The following SRD5A2 variants were observed in gnomAD, a reference collection of about 807,000 sequenced individuals.
SRD5A2 encodes the protein steroid 5 alpha-reductase 2, also known as 3-oxo-5-alpha-steroid 4-dehydrogenase 2.
SRD5A2 carries 30 observed loss-of-function variants against 27.4 expected under a neutral mutation model. The observed-to-expected ratio is 1.10, with a 90% CI of 0.82 to 1.49. The LOEUF (loss-of-function observed/expected upper bound fraction) is 1.49, where lower values mean the gene tolerates loss of function less well. Ranked by LOEUF, SRD5A2 falls within the 40% of genes most tolerant of loss-of-function variation. The probability of loss-of-function intolerance (pLI) is 0.00; values close to 1 mark genes in which losing one functional copy is unlikely to be tolerated. For missense variants in SRD5A2, 348 were observed against 323.4 expected, an observed-to-expected ratio of 1.08 and a Z score of -0.58; for synonymous variants, 141 against 133.6, an observed-to-expected ratio of 1.06 and a Z score of -0.38.
chr2:31,596,505 A>C, the SRD5A2 span, among the ~76,000 whole-genome samples: 2 of 152,066 alleles, frequency 1.3e-5, no homozygotes, highest in Admixed American at 6.6e-5. Context: ...ATCAAACAAG[A>C]GAAAGAAATA....
At chr2:31,637,196 A>C in the SRD5A2 span, among the ~76,000 whole-genome samples, 1 of 151,960 alleles carries the variant, frequency 6.6e-6, no homozygotes, top group Admixed American at 6.6e-5. Flanking sequence ...TTCTTCAATC[A>C]TGGTAAGTTG....
At chr2:31,624,666 G>A in the SRD5A2 span, among the ~76,000 whole-genome samples, 3 of 152,232 alleles carry the variant, frequency 2.0e-5, no homozygotes, top group African/African-American at 4.8e-5. Flanking sequence ...CCTCATCCAT[G>A]TCCCTACAAA....
the SRD5A2 span, among the ~76,000 whole-genome samples, chr2:31,592,271 A>G: frequency 6.6e-6 from 1 of 152,144 alleles, no homozygotes; most frequent in South Asian, 2.1e-4. Flanking sequence ...AACCCATAAC[A>G]GAACAAACCT....
chr2:31,632,531 C>T, the SRD5A2 span, among the ~76,000 whole-genome samples: 2 of 152,178 alleles, frequency 1.3e-5, no homozygotes, highest in South Asian at 4.1e-4. Flanking sequence ...AGTGCCAGCC[C>T]ATGCCATCAC....
intron 1 of SRD5A2, among the ~76,000 whole-genome samples, chr2:31,572,333 G>T (rs1281413953): frequency 6.6e-6 from 1 of 152,048 alleles, no homozygotes; most frequent in African/African-American, 2.4e-5. Context: ...GGTGATGATT[G>T]AAAAAATACC....
chr2:31,635,782 C>G, the SRD5A2 span, among the ~76,000 whole-genome samples: 1 of 150,130 alleles, frequency 6.7e-6, no homozygotes, highest in Non-Finnish European at 1.5e-5. Context: ...ATGTAATTTT[C>G]GTAACACAAT....
intron 1 of SRD5A2, among the ~76,000 whole-genome samples, chr2:31,571,058 T>A (rs1009258714): frequency 1.3e-5 from 2 of 152,126 alleles, no homozygotes; most frequent in Non-Finnish European, 2.9e-5. Context: ...AGAGCTGGGA[T>A]AACCAGGCAA....
chr2:31,611,107 T>TA, the SRD5A2 span, among the ~76,000 whole-genome samples: 3 of 151,918 alleles, frequency 2.0e-5, no homozygotes, highest in African/African-American at 2.4e-5. Flanking sequence ...AGACTCCATC[T>TA]AAAAAAATAA....
the SRD5A2 span, among the ~76,000 whole-genome samples, chr2:31,615,887 G>C: frequency 6.6e-6 from 1 of 152,192 alleles, no homozygotes; most frequent in African/African-American, 2.4e-5. Flanking sequence ...TTGGTGTCCT[G>C]CATCCCAAAT....
chr2:31,570,014 C>T (rs1666819774), intron 1 of SRD5A2, among the ~76,000 whole-genome samples: 1 of 152,110 alleles, frequency 6.6e-6, no homozygotes. Flanking sequence ...GGGACTCCTC[C>T]CCAACTCATT....
chr2:31,552,891 A>G (rs1159739445), intron 1 of SRD5A2, among the ~76,000 whole-genome samples: 2 of 152,198 alleles, frequency 1.3e-5, no homozygotes, highest in Admixed American at 1.3e-4. Context: ...ACATGACACA[A>G]TCAAAGGAAA....
the SRD5A2 span, among the ~76,000 whole-genome samples, chr2:31,643,036 G>A: frequency 2.0e-5 from 3 of 152,072 alleles, no homozygotes; most frequent in Non-Finnish European, 4.4e-5. Flanking sequence ...GACACTGCAT[G>A]GGAAGGGACA....
intron 1 of SRD5A2, among the ~76,000 whole-genome samples, chr2:31,560,284 AT>A (rs529978904): frequency 4.5e-4 from 68 of 152,238 alleles, no homozygotes; most frequent in African/African-American, 1.6e-3. Context: ...TGATGTAAGC[AT>A]CTAGATAGAC....
the SRD5A2 span, among the ~76,000 whole-genome samples, chr2:31,616,709 CT>C: frequency 3.0e-3 from 459 of 152,280 alleles, 4 homozygotes; most frequent in African/African-American, 0.01. Flanking sequence ...GTGAAAGGGA[CT>C]TGCCTTGCTT....
At chr2:31,593,994 G>C in the SRD5A2 span, among the ~76,000 whole-genome samples, 1 of 152,118 alleles carries the variant, frequency 6.6e-6, no homozygotes, top group Non-Finnish European at 1.5e-5. Context: ...CAAATGCTGA[G>C]AGAATTTGCC....
chr2:31,587,306 G>T, the SRD5A2 span, among the ~76,000 whole-genome samples: 1 of 152,166 alleles, frequency 6.6e-6, no homozygotes, highest in Non-Finnish European at 1.5e-5. Flanking sequence ...ATTGTTGGTG[G>T]GAGTGTAAAT....
chr2:31,578,105 G>A (rs1046619348), intron 1 of SRD5A2, among the ~76,000 whole-genome samples: 2 of 152,090 alleles, frequency 1.3e-5, no homozygotes, highest in African/African-American at 4.8e-5. Context: ...AAGCATGTGT[G>A]AAAATCTACT....
the SRD5A2 span, among the ~76,000 whole-genome samples, chr2:31,625,400 A>G: frequency 6.6e-6 from 1 of 152,092 alleles, no homozygotes; most frequent in Non-Finnish European, 1.5e-5. Flanking sequence ...TTTTGTTGCC[A>G]TTGCTTTTGG....
At chr2:31,606,737 T>C in the SRD5A2 span, among the ~76,000 whole-genome samples, 1 of 151,896 alleles carries the variant, frequency 6.6e-6, no homozygotes, top group African/African-American at 2.4e-5. Flanking sequence ...GCCCCACCCC[T>C]CTAATCATCT....
Sources: allele counts gnomAD v4.1 joint callset (sites outside exome capture counted in the v4.1 genomes callset), GRCh38; gene constraint gnomAD v4.1.1; transcripts MANE v1.5; gene names NCBI Gene and HGNC (gene_info 2026-07-23, HGNC 2026-07-21).